Variants in ZYG11B observed in about 807,000 individuals in gnomAD.
The protein encoded by ZYG11B is protein zyg-11 homolog B.
In ZYG11B, 36 loss-of-function variants were observed where a neutral mutation model predicts 82.4. That is an observed-to-expected ratio of 0.44 (90% CI 0.33 to 0.58). The LOEUF (loss-of-function observed/expected upper bound fraction) is 0.58, where lower values mean the gene tolerates loss of function less well. Ranked by LOEUF, ZYG11B falls within the 20% of genes least tolerant of loss-of-function variation. ZYG11B has a pLI of 0.02. For synonymous variants in ZYG11B, 303 were observed against 312.8 expected (o/e 0.97, Z 0.33); for missense variants, 552 against 895.6 (o/e 0.62, Z 4.90).
At chr1:52,729,529 A>G (rs1263222664) in intron 1 of ZYG11B, among the ~76,000 whole-genome samples, 1 of 152,242 alleles carries the variant, frequency 6.6e-6, no homozygotes, top group African/African-American at 2.4e-5. Context: ...TTTTGTAGAT[A>G]ATAAATACAG....
intron 10 of ZYG11B, among the ~76,000 whole-genome samples, chr1:52,806,494 C>T (rs1374795164): frequency 6.6e-6 from 1 of 152,110 alleles, no homozygotes; most frequent in Non-Finnish European, 1.5e-5. Context: ...TATTTTGAAA[C>T]TGTATTATTA....
intron 1 of ZYG11B, among the ~76,000 whole-genome samples, chr1:52,749,592 G>GT (rs1391632251): frequency 6.6e-6 from 1 of 152,092 alleles, no homozygotes; most frequent in African/African-American, 2.4e-5. Flanking sequence ...ATCTTGTGGG[G>GT]TTTATTTTTT....
intron 10 of ZYG11B, among the ~76,000 whole-genome samples, chr1:52,803,099 C>CACATATATATATATAT (rs1558139992): frequency 9.3e-5 from 1 of 10,794 alleles, no homozygotes; most frequent in Non-Finnish European, 1.8e-4. Context: ...TATATATATA[C>CACATATATATATATAT]ATATATATAT....
intron 10 of ZYG11B, chr1:52,805,363 A>G: frequency 2.5e-6 from 1 of 407,056 alleles, no homozygotes; most frequent in South Asian, 1.8e-5. Flanking sequence ...AGGAAGACCT[A>G]TCTGTTGTTG....
chr1:52,813,599 A>T lies in ZYG11B; in HGVS notation c.1759A>T (p.Ile587Phe). The change falls in exon 11 of 14, where the codon ATC (isoleucine) becomes TTC (phenylalanine). Residue 587 changes from isoleucine to phenylalanine, a missense_variant. Physicochemically the swap from Ile to Phe is conservative, Grantham distance 21. This residue lies in a region of ZYG11B where 66 missense variants were observed against 176.4 expected (regional missense o/e 0.37). Coordinates refer to ENST00000294353, the MANE Select transcript of ZYG11B (RefSeq NM_024646.3). ...AATGTGGAAAGATTTTATAGACCAC[A>T]TCAGTAGTCTCCTACACAGTGTGGA... ...ELMWKDFIDH[I>F]SSLLHSVEVE... 6.2e-7 allele frequency: 1 copy of T among 1,613,816 alleles called. No homozygotes were observed. Among genetic ancestry groups the T allele is most frequent in the Non-Finnish European group, 8.5e-7 (1 of 1,179,738 alleles).
chr1:52,771,774 G>A lies in ZYG11B; in HGVS notation c.951G>A (p.Lys317=). The A allele has an allele frequency of 6.2e-7, 1 of 1,600,438 alleles. No homozygotes were observed. The highest frequency in any genetic ancestry group is 8.5e-7 in the Non-Finnish European group (1 of 1,173,098). Residue 317 remains lysine (K), a splice_region_variant and synonymous_variant, in exon 3 of 14, where the codon AAG becomes AAA. Coordinates refer to ENST00000294353, the MANE Select transcript of ZYG11B (RefSeq NM_024646.3). The surrounding 1 kb of genome is among the most constrained non-coding windows in gnomAD (Gnocchi z 5.4). ...TCCTCACAGGCGAAGGACATTTGAA[G>A]GTTAGACTTTAAAAATGTATTATTT... ...SEFLTGEGHL[K]VSGEANETQI...
At chr1:52,769,818 A>G (rs1046782670) in intron 2 of ZYG11B, among the ~76,000 whole-genome samples, 1 of 152,058 alleles carries the variant, frequency 6.6e-6, no homozygotes, top group South Asian at 2.1e-4. Flanking sequence ...CAGGCTATTT[A>G]TTTACCTGTC....
chr1:52,781,556 A>G (rs1353346741), intron 4 of ZYG11B, among the ~76,000 whole-genome samples: 1 of 152,170 alleles, frequency 6.6e-6, no homozygotes, highest in Non-Finnish European at 1.5e-5. Flanking sequence ...TAGATTCAGT[A>G]GGGCTAGATG....
chr1:52,763,564 C>T (rs1375978900), intron 2 of ZYG11B, among the ~76,000 whole-genome samples: 3 of 151,970 alleles, frequency 2.0e-5, no homozygotes, highest in Non-Finnish European at 4.4e-5. Context: ...AAGCAATCCT[C>T]CTGCCTCAGC....
At chr1:52,768,869 T>C (rs6667028) in intron 2 of ZYG11B, among the ~76,000 whole-genome samples, 90,134 of 152,040 alleles carry the variant, frequency 0.59, 29,460 homozygotes, top group East Asian at 0.97. Context: ...GCTGGCATTA[T>C]AGGCATGAGC....
chr1:52,805,315 G>A, intron 10 of ZYG11B: 1 of 344,188 alleles, frequency 2.9e-6, no homozygotes, highest in South Asian at 2.3e-5. Flanking sequence ...CAAGCAGTGA[G>A]GAGATGGATT....
At chr1:52,812,101 A>C (rs1645188886) in intron 10 of ZYG11B, among the ~76,000 whole-genome samples, 1 of 151,498 alleles carries the variant, frequency 6.6e-6, no homozygotes, top group African/African-American at 2.4e-5. Flanking sequence ...TCTGAATTAT[A>C]TTTATAATAT....
In ZYG11B at chr1:52,821,718, G is replaced by A; in HGVS notation, c.*89G>A. The A allele has an allele frequency of 7.8e-7, 1 of 1,276,934 alleles. No individual in the cohort carries two copies. The highest frequency in any genetic ancestry group is 1.1e-6 in the Non-Finnish European group (1 of 927,766). The allele number at this position is 1,276,934 out of a possible 1,614,324, so 79.1% of individuals were successfully genotyped here. On this transcript the variant is annotated 3_prime_UTR_variant, in exon 14 of 14. Coordinates refer to ENST00000294353, the MANE Select transcript of ZYG11B (RefSeq NM_024646.3). ...TCTTACCCTCCCTGATGTTTTGGGG[G>A]TTTCTATGACAAGAGTCATAAAATC...
At position 52,790,681 on chromosome 1, in the gene ZYG11B, G is replaced by A. The variant is rs548332847; in HGVS notation, c.1334+614G>A. On this transcript the variant is annotated intron_variant, in intron 6 of 13. Transcript: ENST00000294353. Reference sequence around the variant, plus strand: ...TGCAGTGAGCCAAGATCGCGCCATTGCACTCCAGCCTGGGTGACAGGGCAA... The same window carrying A: ...TGCAGTGAGCCAAGATCGCGCCATTACACTCCAGCCTGGGTGACAGGGCAA... Among the ~76,000 whole-genome samples, 4 of 119,406 alleles carry A rather than the reference G, an allele frequency of 3.3e-5. No homozygotes were observed. The South Asian group carries it at 1.1e-3, about 33-fold the overall frequency. 78.3% of individuals were successfully genotyped at this position (119,406 alleles called of 152,430 possible).
At chr1:52,785,330 A>G (rs1168575852) in intron 5 of ZYG11B, among the ~76,000 whole-genome samples, 1 of 152,204 alleles carries the variant, frequency 6.6e-6, no homozygotes, top group African/African-American at 2.4e-5. Flanking sequence ...GGCACAGAGG[A>G]TCTGTTCTGG....
chr1:52,749,025 A>G (rs1023842463), intron 1 of ZYG11B, among the ~76,000 whole-genome samples: 1 of 150,666 alleles, frequency 6.6e-6, no homozygotes, highest in African/African-American at 2.4e-5. Context: ...ACATGATGAA[A>G]CCCCGTTTCT....
intron 10 of ZYG11B, among the ~76,000 whole-genome samples, chr1:52,809,301 G>A (rs1408799260): frequency 1.3e-5 from 2 of 152,048 alleles, no homozygotes; most frequent in South Asian, 2.1e-4. Flanking sequence ...AAAACTGAAC[G>A]TCTGTAACCA....
chr1:52,768,422 T>C (rs982119716), intron 2 of ZYG11B, among the ~76,000 whole-genome samples: 3 of 152,144 alleles, frequency 2.0e-5, no homozygotes, highest in Admixed American at 2.0e-4. Context: ...TTCTGTCCCA[T>C]TTGCATGCTT....
intron 2 of ZYG11B, among the ~76,000 whole-genome samples, chr1:52,770,092 A>ATATTTT (rs1553259758): frequency 6.4e-5 from 6 of 94,450 alleles, no homozygotes; most frequent in Admixed American, 1.3e-4. Flanking sequence ...ATATATATAT[A>ATATTTT]TTTTTTTTTT....
Sources: gnomAD v4.1 joint callset for allele counts (sites outside exome capture counted in the v4.1 genomes callset) on GRCh38, gnomAD v4.1.1 for gene constraint, gnomAD v4.1.1 regional missense constraint, Gnocchi (gnomAD v3.1) non-coding constraint, MANE v1.5 for transcripts, NCBI Gene and HGNC (gene_info 2026-07-23, HGNC 2026-07-21) for gene names.